Variants in IGDCC4 observed in about 807,000 individuals in gnomAD.
IGDCC4 encodes the protein likely ortholog of mouse neighbor of Punc E11.
A neutral mutation model predicts 116.6 loss-of-function variants in IGDCC4; 72 were observed. That is an observed-to-expected ratio of 0.62 (90% CI 0.51 to 0.75). IGDCC4 has a LOEUF of 0.75. Among genes scored for constraint, IGDCC4 ranks in the 30% least tolerant of loss-of-function variants. The probability of loss-of-function intolerance (pLI) is 0.00; values close to 1 mark genes in which losing one functional copy is unlikely to be tolerated. For synonymous variants in IGDCC4, 709 were observed against 719.9 expected (o/e 0.98, Z 0.24); for missense variants, 1,501 against 1,662.4 (o/e 0.90, Z 1.69).
At chr15:65,404,213 A>G (rs1052405115) in intron 3 of IGDCC4, among the ~76,000 whole-genome samples, 3 of 152,156 alleles carry the variant, frequency 2.0e-5, no homozygotes, top group African/African-American at 7.2e-5. Context: ...GGACTTAGAG[A>G]AAAAAAGCAT....
chr15:65,416,370 T>G (rs985531219), intron 1 of IGDCC4, among the ~76,000 whole-genome samples: 1 of 151,906 alleles, frequency 6.6e-6, no homozygotes. Flanking sequence ...ATCTCCTGAC[T>G]TCGTGATCCG....
intron 16 of IGDCC4, 39 bp downstream of exon 16, chr15:65,388,410 A>C (rs754940989): frequency 6.2e-6 from 10 of 1,612,644 alleles, no homozygotes; most frequent in Non-Finnish European, 8.5e-6. Flanking sequence ...GGGGCTTGGA[A>C]GTCAATCCAG....
chr15:65,405,687 G>A (rs1489709025), intron 3 of IGDCC4, among the ~76,000 whole-genome samples: 2 of 152,130 alleles, frequency 1.3e-5, no homozygotes, highest in Non-Finnish European at 2.9e-5. Context: ...GCAAGGAGAC[G>A]CTCAAATTGG....
rs139367941 is a variant in IGDCC4 at position 65,391,890 on chromosome 15, C to T, written c.2214G>A (p.Ala738=). 6.8e-5 allele frequency: 109 copies of T among 1,613,624 alleles called. 1 individual carries two copies. Among genetic ancestry groups the T allele is most frequent in the Admixed American group, 3.2e-4 (19 of 60,002 alleles). ...CCCCACCGCCCTCACCTGGTGCCGG[C>T]GCCTTCTCCGTCTTGCCCTTCCACA... The part of the protein sequence containing the change: ...AAVWKGKTEK[A]PAPDMPIQRG... Residue 738 remains alanine, a synonymous_variant, in exon 12 of 20, where the codon GCG becomes GCA. Transcript: ENST00000352385.
At chr15:65,398,015 G>A (rs1274051676) in intron 5 of IGDCC4, among the ~76,000 whole-genome samples, 1 of 152,218 alleles carries the variant, frequency 6.6e-6, no homozygotes, top group Non-Finnish European at 1.5e-5. Flanking sequence ...TAAAGATAGA[G>A]AAATGCTTAT....
chr15:65,410,221 T>C lies in IGDCC4; in HGVS notation c.520A>G (p.Ile174Val), dbSNP rs148432274. ...CHIEGLPAPIITWEKDQVTLP... is the reference protein window; with the variant it reads ...CHIEGLPAPIVTWEKDQVTLP... The stretch of plus-strand genomic sequence containing the variant: ...GTCACCTGGTCCTTCTCCCAAGTAA[T>C]GATGGGAGCTGGCAGCCCTTCAATG... Residue 174 changes from isoleucine to valine, a missense_variant, in exon 3 of 20, where the codon ATT (isoleucine) becomes GTT (valine). Transcript: ENST00000352385. 2.2e-5 allele frequency: 36 copies of C among 1,613,734 alleles called. No homozygotes were observed. The African/African-American group carries it at 4.4e-4, about 20-fold the overall frequency.
At chr15:65,389,552 A>G (rs530603861) in intron 13 of IGDCC4, 141 bp from the exon 14 acceptor site, 1 of 1,100,212 alleles carries the variant, frequency 9.1e-7, no homozygotes, top group East Asian at 2.5e-5. Context: ...CCTGGAGGCG[A>G]CTACCACCAC....
At position 65,391,915 on chromosome 15, in the gene IGDCC4, A is replaced by G. The variant is rs751456433; in HGVS notation, c.2189T>C (p.Val730Ala). The G allele has an allele frequency of 1.2e-6, 2 of 1,613,224 alleles. No individual in the cohort carries two copies. Among genetic ancestry groups the G allele is most frequent in the Non-Finnish European group, 1.7e-6 (2 of 1,179,728 alleles). Residue 730 changes from valine (V) to alanine (A), a missense_variant, in exon 12 of 20, where the codon GTG becomes GCG. Coordinates refer to ENST00000352385, the MANE Select transcript of IGDCC4 (RefSeq NM_020962.3). ...FNKHEDGYAA[V>A]WKGKTEKAPA... The stretch of plus-strand genomic sequence containing the variant: ...CGCCTTCTCCGTCTTGCCCTTCCAC[A>G]CTGCTGCATAGCCATCCTCATGTTT...
chr15:65,389,244 C>A, intron 14 of IGDCC4, 40 bp downstream of exon 14: 1 of 1,602,646 alleles, frequency 6.2e-7, no homozygotes, highest in Non-Finnish European at 8.5e-7. Flanking sequence ...AGGAGTTGGG[C>A]AAAAGATGGG....
At chr15:65,422,006 TTCCCTGGTCGG>T (rs1244803850) in intron 1 of IGDCC4, among the ~76,000 whole-genome samples, 1 of 152,088 alleles carries the variant, frequency 6.6e-6, no homozygotes, top group African/African-American at 2.4e-5. Context: ...TCGTCCACGC[TTCCCTGGTCGG>T]TCCCTGGGGG....
rs2062978667 is a variant in IGDCC4, at chr15:65,400,907, A to G, written c.740T>C (p.Val247Ala). 1 of 1,614,196 alleles carries G rather than the reference A, an allele frequency of 6.2e-7. No individual in the cohort carries two copies. Among genetic ancestry groups the G allele is most frequent in the African/African-American group, 1.3e-5 (1 of 75,054 alleles). ...CACTGTGGTGTTCTCTGGGGCTGCC[A>G]CAATGACCACGTCCTGCCCCCTGGT... Reference protein sequence around the residue: ...ASTRGQDVVIVAAPENTTVVS... With the variant: ...ASTRGQDVVIAAAPENTTVVS... The change falls in exon 5 of 20, where the codon GTG becomes GCG. Residue 247 changes from valine (V) to alanine (A), a missense_variant. Transcript: ENST00000352385.
At chr15:65,415,985 C>G (rs2063138792) in intron 1 of IGDCC4, among the ~76,000 whole-genome samples, 1 of 152,080 alleles carries the variant, frequency 6.6e-6, no homozygotes, top group Middle Eastern at 3.2e-3. Flanking sequence ...CATTGCATGA[C>G]CTTGTGTGAG....
intron 1 of IGDCC4, among the ~76,000 whole-genome samples, chr15:65,414,425 G>A (rs1022081076): frequency 1.3e-5 from 2 of 152,172 alleles, no homozygotes; most frequent in African/African-American, 2.4e-5. Flanking sequence ...TGCGGGCCAC[G>A]TGCTGTGGTG....
intron 1 of IGDCC4, among the ~76,000 whole-genome samples, chr15:65,419,760 G>A (rs1306083348): frequency 6.6e-6 from 1 of 152,156 alleles, no homozygotes; most frequent in Non-Finnish European, 1.5e-5. Flanking sequence ...TCTGACTTGG[G>A]AAGAAGGGAG....
chr15:65,399,422 A>G (rs916461326), intron 5 of IGDCC4, among the ~76,000 whole-genome samples: 33 of 138,416 alleles, frequency 2.4e-4, no homozygotes, highest in Non-Finnish European at 4.1e-4. Context: ...TGATTACACC[A>G]TTGCACTCCA....
chr15:65,412,328 A>T (rs890412919), intron 1 of IGDCC4, among the ~76,000 whole-genome samples: 4 of 151,934 alleles, frequency 2.6e-5, no homozygotes, highest in African/African-American at 9.7e-5. Context: ...CCTGACCAAC[A>T]TGGTGAAACC....
chr15:65,400,870 C>G lies in IGDCC4; in HGVS notation c.777G>C (p.Gln259His), dbSNP rs539713093. ...AGGCCACACATTCCATCACCACACT[C>G]TGGCCAGACACCACTGTGGTGTTCT... ...APENTTVVSG[Q>H]SVVMECVASA... Residue 259 changes from glutamine (Q) to histidine (H), a missense_variant, in exon 5 of 20, where the codon CAG becomes CAC. Coordinates refer to ENST00000352385, the MANE Select transcript of IGDCC4 (RefSeq NM_020962.3). 5.0e-6 allele frequency: 8 copies of G among 1,614,074 alleles called. No homozygotes were observed. Among genetic ancestry groups the G allele is most frequent in the Non-Finnish European group, 6.8e-6 (8 of 1,179,972 alleles).
chr15:65,383,898 A>C lies in IGDCC4; in HGVS notation c.*111T>G, dbSNP rs1332254035. On this transcript the variant is annotated 3_prime_UTR_variant, in exon 20 of 20. Coordinates refer to ENST00000352385, the MANE Select transcript of IGDCC4 (RefSeq NM_020962.3). ...CAGCCAAAGCAACTTAGGAAGCTCC[A>C]AAGGGCTTGATGATGTATCTACAGG... is the stretch of plus-strand genomic sequence containing the variant. 9.3e-7 allele frequency: 1 copy of C among 1,077,808 alleles called. No individual in the cohort carries two copies. Among genetic ancestry groups the C allele is most frequent in the Non-Finnish European group, 1.3e-6 (1 of 778,522 alleles). The allele number at this position is 1,077,808 out of a possible 1,614,324, so 66.8% of individuals were successfully genotyped here.
Position 65,392,184 on chromosome 15 carries a change from C to T in IGDCC4, c.2072G>A (p.Gly691Glu), listed in dbSNP as rs760588383. 1.9e-6 allele frequency: 3 copies of T among 1,613,840 alleles called. No individual in the cohort carries two copies. The South Asian group carries it at 3.3e-5, about 18-fold the overall frequency. ...GGRGDQAWDV[G>E]PVRLKKKVKQ... ...CACTTTCTTCTTGAGCCGGACAGGC[C>T]CCACATCCCAAGCCTGGTCTCCACG... The change falls in exon 11 of 20, where the codon GGG (glycine) becomes GAG (glutamate). Residue 691 changes from glycine (G) to glutamate (E), a missense_variant. Transcript: ENST00000352385.
Sources: allele counts gnomAD v4.1 joint callset (sites outside exome capture counted in the v4.1 genomes callset), GRCh38; gene constraint gnomAD v4.1.1; transcripts MANE v1.5; gene names NCBI Gene and HGNC (gene_info 2026-07-23, HGNC 2026-07-21).